TAOK3: variants seen among roughly 807,000 people sequenced by gnomAD.
TAOK3 encodes the protein serine/threonine-protein kinase TAO3.
In TAOK3, 40 loss-of-function variants were observed where a neutral mutation model predicts 120.4. That is an observed-to-expected ratio of 0.33 (90% CI 0.26 to 0.43). The LOEUF (loss-of-function observed/expected upper bound fraction) is 0.43, where lower values mean the gene tolerates loss of function less well. Among genes scored for constraint, TAOK3 ranks in the 20% least tolerant of loss-of-function variants. The pLI, the probability that TAOK3 is intolerant of heterozygous loss-of-function variation, is 1.00. For missense variants in TAOK3, 821 were observed against 1,112.1 expected (o/e 0.74, Z 3.72); for synonymous variants, 355 against 387.5 (o/e 0.92, Z 0.99).
intron 1 of TAOK3, among the ~76,000 whole-genome samples, chr12:118,308,953 A>AAAAGAAAG (rs2043158100): frequency 2.0e-5 from 3 of 148,116 alleles, no homozygotes; most frequent in Admixed American, 2.0e-4. Context: ...AAAAAAAAAA[A>AAAAGAAAG]AAAAAAGCCT....
At chr12:118,279,337 T>C (rs915848069) in intron 1 of TAOK3, among the ~76,000 whole-genome samples, 4 of 152,158 alleles carry the variant, frequency 2.6e-5, no homozygotes, top group Non-Finnish European at 5.9e-5. Context: ...CTTTGTTGGA[T>C]GCATAGTTTG....
intron 11 of TAOK3, among the ~76,000 whole-genome samples, chr12:118,203,028 C>T (rs983811659): frequency 6.6e-6 from 1 of 152,122 alleles, no homozygotes; most frequent in Non-Finnish European, 1.5e-5. Context: ...GATCCACCCG[C>T]CTCAGCCTCC....
intron 1 of TAOK3, among the ~76,000 whole-genome samples, chr12:118,267,087 T>C (rs1019309207): frequency 1.3e-5 from 2 of 152,230 alleles, no homozygotes; most frequent in African/African-American, 4.8e-5. Context: ...TGCTACTGAT[T>C]CTCTGTTGTT....
chr12:118,278,694 CT>C (rs2041987951), intron 1 of TAOK3, among the ~76,000 whole-genome samples: 1 of 152,152 alleles, frequency 6.6e-6, no homozygotes, highest in South Asian at 2.1e-4. Context: ...GGTAATTCTG[CT>C]TTAAGTTGAG....
intron 5 of TAOK3, among the ~76,000 whole-genome samples, chr12:118,242,931 G>A (rs1432206531): frequency 6.7e-6 from 1 of 148,876 alleles, no homozygotes; most frequent in Admixed American, 6.7e-5. Context: ...GTGTGCATGT[G>A]TATATATATT....
At chr12:118,256,998 C>T (rs185899239) in intron 2 of TAOK3, among the ~76,000 whole-genome samples, 22 of 152,218 alleles carry the variant, frequency 1.4e-4, no homozygotes, top group Admixed American at 2.6e-4. Flanking sequence ...CGATACTATG[C>T]GCCAGGCAGC....
intron 1 of TAOK3, among the ~76,000 whole-genome samples, chr12:118,304,732 A>G (rs2042989378): frequency 6.6e-6 from 1 of 152,224 alleles, no homozygotes; most frequent in African/African-American, 2.4e-5. Flanking sequence ...ATTTGTTCAG[A>G]TAATGTTCCT....
intron 1 of TAOK3, among the ~76,000 whole-genome samples, chr12:118,347,872 A>T (rs1014451376): frequency 6.6e-6 from 1 of 152,042 alleles, no homozygotes; most frequent in Non-Finnish European, 1.5e-5. Context: ...CTCATTCTCA[A>T]TTTCTTTCTT....
chr12:118,304,668 T>C (rs911966259), intron 1 of TAOK3, among the ~76,000 whole-genome samples: 3 of 152,208 alleles, frequency 2.0e-5, no homozygotes, highest in Admixed American at 2.0e-4. Flanking sequence ...TTTTTGAATG[T>C]TATATGTGTA....
chr12:118,155,866 T>A (rs1421752629), intron 19 of TAOK3, among the ~76,000 whole-genome samples: 1 of 152,010 alleles, frequency 6.6e-6, no homozygotes, highest in African/African-American at 2.4e-5. Context: ...CCTCCCAAGT[T>A]ACTGGGACTA....
At chr12:118,270,354 T>C (rs1164218590) in intron 1 of TAOK3, among the ~76,000 whole-genome samples, 1 of 152,186 alleles carries the variant, frequency 6.6e-6, no homozygotes, top group Non-Finnish European at 1.5e-5. Context: ...ACTATTACCA[T>C]AATCATCTTT....
chr12:118,368,737 C>T (rs1652854145), intron 1 of TAOK3, among the ~76,000 whole-genome samples: 1 of 149,156 alleles, frequency 6.7e-6, no homozygotes, highest in African/African-American at 2.5e-5. Flanking sequence ...ACCAGGGAGG[C>T]GGAGGTTGCA....
chr12:118,314,390 A>G (rs1344922184), intron 1 of TAOK3, among the ~76,000 whole-genome samples: 1 of 152,228 alleles, frequency 6.6e-6, no homozygotes, highest in Non-Finnish European at 1.5e-5. Context: ...AAAAATATTG[A>G]GTAATAACTC....
rs748480425 is a variant in TAOK3, at chr12:118,151,093, C to G, written c.2601G>C (p.Arg867Ser). ...RSERIKNLLE[R>S]QEREIETFDM... Reference sequence around the variant, plus strand: ...CAAAAGTTTCAATCTCTCGCTCTTGCCTTTCCAATAGGTTCTTTATTCTCT... The same window carrying G: ...CAAAAGTTTCAATCTCTCGCTCTTGGCTTTCCAATAGGTTCTTTATTCTCT... Residue 867 changes from arginine to serine, a missense_variant, in exon 21 of 21, where the codon AGG (arginine) becomes AGC (serine). Coordinates refer to ENST00000392533, the MANE Select transcript of TAOK3 (RefSeq NM_016281.4). 6.2e-7 allele frequency: 1 copy of G among 1,613,560 alleles called. No homozygotes were observed. Among genetic ancestry groups the G allele is most frequent in the Non-Finnish European group, 8.5e-7 (1 of 1,179,988 alleles).
At chr12:118,183,343 A>T (rs958396914) in intron 14 of TAOK3, among the ~76,000 whole-genome samples, 1 of 152,174 alleles carries the variant, frequency 6.6e-6, no homozygotes, top group Non-Finnish European at 1.5e-5. Context: ...TACACCATTA[A>T]ACATTAGCCA....
intron 5 of TAOK3, 149 bp downstream of exon 5, chr12:118,243,266 C>G (rs2040333665): frequency 1.8e-6 from 1 of 552,452 alleles, no homozygotes; most frequent in Non-Finnish European, 3.1e-6. Flanking sequence ...AAGTGACACA[C>G]CAAAGTATTA....
At position 118,160,072 on chromosome 12, in the gene TAOK3, A is replaced by G; in HGVS notation, c.2352+74T>C. 4.9e-6 allele frequency: 6 copies of G among 1,231,496 alleles called. No individual in the cohort carries two copies. The highest frequency in any genetic ancestry group is 6.0e-6 in the Non-Finnish European group (5 of 838,380). 76.3% of individuals were successfully genotyped at this position (1,231,496 alleles called of 1,614,324 possible). On this transcript the variant is annotated intron_variant, in intron 19 of 20. Transcript: ENST00000392533. This position sits in a 1 kb window ranked among gnomAD's most constrained non-coding sequence, Gnocchi z 4.2. ...AAATTTGTGCAAGAATCATCTTGGGAACAACAGGCTGGATCTTGGATTTTC... is the reference window on the plus strand; with the variant it reads ...AAATTTGTGCAAGAATCATCTTGGGGACAACAGGCTGGATCTTGGATTTTC...
At position 118,151,043 on chromosome 12, in the gene TAOK3, A is replaced by C. The variant is rs759487727; in HGVS notation, c.2651T>G (p.Phe884Cys). The C allele has an allele frequency of 6.2e-7, 1 of 1,613,034 alleles. No homozygotes were observed. The highest frequency in any genetic ancestry group is 8.5e-7 in the Non-Finnish European group (1 of 1,179,902). Reference sequence around the variant, plus strand: ...AAAATCTAATGTAACCAAATTCCCAAATCCCATTCTGAGGCTCTCCATGTC... The same window carrying C: ...AAAATCTAATGTAACCAAATTCCCACATCCCATTCTGAGGCTCTCCATGTC... ...TFDMESLRMGFGNLVTLDFPK... is the reference protein window; with the variant it reads ...TFDMESLRMGCGNLVTLDFPK... Residue 884 changes from phenylalanine (F) to cysteine (C), a missense_variant, in exon 21 of 21, where the codon TTT becomes TGT. Phe to Cys is a radical substitution (Grantham distance 205). This residue lies in a region of TAOK3 where 354 missense variants were observed against 572.1 expected (regional missense o/e 0.62). Coordinates refer to ENST00000392533, the MANE Select transcript of TAOK3 (RefSeq NM_016281.4).
At chr12:118,273,498 G>A (rs757424288) in intron 1 of TAOK3, among the ~76,000 whole-genome samples, 4 of 150,880 alleles carry the variant, frequency 2.7e-5, no homozygotes, top group East Asian at 2.0e-4. Context: ...GCGAGACTCC[G>A]TCTCAAAAAG....
Sources: allele counts gnomAD v4.1 joint callset (sites outside exome capture counted in the v4.1 genomes callset), GRCh38; gene constraint gnomAD v4.1.1; regional missense constraint gnomAD v4.1.1; non-coding constraint Gnocchi (gnomAD v3.1); transcripts MANE v1.5; gene names NCBI Gene and HGNC (gene_info 2026-07-23, HGNC 2026-07-21).